Variants in ZFAT observed in about 807,000 individuals in gnomAD.
ZFAT encodes the protein zinc finger and AT-hook domain containing.
In ZFAT, 64 loss-of-function variants were observed where a neutral mutation model predicts 117.7. That is an observed-to-expected ratio of 0.54 (90% CI 0.44 to 0.67). ZFAT has a LOEUF of 0.67. Ranked by LOEUF, ZFAT falls within the 30% of genes least tolerant of loss-of-function variation. The pLI is 0.00. For synonymous variants in ZFAT, 679 were observed against 615.0 expected (o/e 1.10, Z -1.54); for missense variants, 1,433 against 1,584.5 (o/e 0.90, Z 1.62).
chr8:134,813,283 C>G, the ZFAT span, among the ~76,000 whole-genome samples: 1 of 152,182 alleles, frequency 6.6e-6, no homozygotes, highest in Non-Finnish European at 1.5e-5. Context: ...GTTCAAATTT[C>G]TAAGATTCTG....
chr8:134,689,577 T>C (rs1038024494), intron 1 of ZFAT, among the ~76,000 whole-genome samples: 3 of 152,160 alleles, frequency 2.0e-5, no homozygotes, highest in Admixed American at 6.5e-5. Context: ...CATACTACGA[T>C]AGAGAGCAGA....
the ZFAT span, among the ~76,000 whole-genome samples, chr8:134,741,803 C>T: frequency 4.6e-5 from 7 of 152,108 alleles, no homozygotes; most frequent in African/African-American, 1.4e-4. Flanking sequence ...ATTTACCTCT[C>T]ATGCTCCAGC....
the ZFAT span, among the ~76,000 whole-genome samples, chr8:134,830,074 C>T: frequency 2.0e-5 from 3 of 152,134 alleles, no homozygotes; most frequent in Non-Finnish European, 4.4e-5. Context: ...AACTGTTTAT[C>T]TCCATGAACA....
chr8:134,593,709 C>T (rs779266483), intron 7 of ZFAT, among the ~76,000 whole-genome samples: 3 of 152,182 alleles, frequency 2.0e-5, no homozygotes, highest in African/African-American at 4.8e-5. Context: ...TATGCCTTAG[C>T]GGCAAGTGCT....
chr8:134,582,123 G>T (rs1049943140), intron 10 of ZFAT, among the ~76,000 whole-genome samples: 7 of 152,228 alleles, frequency 4.6e-5, no homozygotes, highest in Non-Finnish European at 8.8e-5. Context: ...TCCTGCCGAA[G>T]AACTCAGAGA....
chr8:134,668,596 C>T (rs58255673), intron 1 of ZFAT, among the ~76,000 whole-genome samples: 1 of 152,346 alleles, frequency 6.6e-6, no homozygotes, highest in African/African-American at 2.4e-5. Flanking sequence ...ACCAAAACCC[C>T]ATCTGTACGT....
intron 12 of ZFAT, among the ~76,000 whole-genome samples, chr8:134,527,363 A>G (rs940578231): frequency 1.3e-5 from 2 of 152,268 alleles, no homozygotes; most frequent in African/African-American, 4.8e-5. Flanking sequence ...GACTTGTTAC[A>G]GTAGCTACAG....
intron 10 of ZFAT, among the ~76,000 whole-genome samples, chr8:134,583,169 C>T (rs137999525): frequency 1.4e-3 from 220 of 152,230 alleles, no homozygotes; most frequent in Middle Eastern, 6.8e-3. Context: ...TCCATCACTG[C>T]ACTTACCTTT....
intron 1 of ZFAT, among the ~76,000 whole-genome samples, chr8:134,676,755 C>A (rs1231679916): frequency 6.6e-6 from 1 of 152,178 alleles, no homozygotes; most frequent in African/African-American, 2.4e-5. Context: ...TCTCTCAGAC[C>A]ACAGTGCAAT....
chr8:134,702,065 G>A (rs962052944), intron 1 of ZFAT, among the ~76,000 whole-genome samples: 1 of 152,154 alleles, frequency 6.6e-6, no homozygotes, highest in African/African-American at 2.4e-5. Context: ...AGCAAACTCG[G>A]CCCCTTGCCA....
the ZFAT span, among the ~76,000 whole-genome samples, chr8:134,830,903 G>C: frequency 6.6e-6 from 1 of 152,210 alleles, no homozygotes; most frequent in Non-Finnish European, 1.5e-5. Context: ...TTGGTAAACA[G>C]GTAGCATACA....
Position 134,478,529 on chromosome 8 carries a change from G to A in ZFAT, c.3685C>T (p.Gln1229Ter). Residue 1229 changes from glutamine to a stop codon, truncating the protein, a stop_gained, in exon 16 of 16, where the codon CAG (glutamine) becomes TAG (stop). Transcript: ENST00000377838. LOFTEE classifies it high-confidence loss of function. The surrounding 1 kb of genome is among the most constrained non-coding windows in gnomAD (Gnocchi z 5.2). ...EFIVYVQEAM[Q>*]PVEEQAVEQP... ...TCCACAGCCTGCTCCTCCACAGGCTGCATGGCCTCCTGCACGTAGACGATG... is the reference window on the plus strand; with the variant it reads ...TCCACAGCCTGCTCCTCCACAGGCTACATGGCCTCCTGCACGTAGACGATG... 6.3e-7 allele frequency: 1 copy of A among 1,588,776 alleles called. No individual in the cohort carries two copies. The highest frequency in any genetic ancestry group is 8.6e-7 in the Non-Finnish European group (1 of 1,168,292).
intron 11 of ZFAT, among the ~76,000 whole-genome samples, chr8:134,557,183 G>A (rs1418908304): frequency 6.6e-6 from 1 of 152,050 alleles, no homozygotes; most frequent in Non-Finnish European, 1.5e-5. Context: ...GATAAGTTAA[G>A]GTCTACAGCA....
Position 134,637,709 on chromosome 8 carries a change from A to G in ZFAT, c.200T>C (p.Phe67Ser). The G allele has an allele frequency of 1.2e-6, 2 of 1,613,360 alleles. No individual in the cohort carries two copies. Among genetic ancestry groups the G allele is most frequent in the Non-Finnish European group, 1.7e-6 (2 of 1,179,628 alleles). ...GCCTCTCTTCCTCTTCATGACCAAAAACTCTACAGAGGAAACAAGAGGGCA... is the reference window on the plus strand; with the variant it reads ...GCCTCTCTTCCTCTTCATGACCAAAGACTCTACAGAGGAAACAAGAGGGCA... Reference protein sequence around the residue: ...PPNSSKTGDEFLVMKRKRGRP... With the variant: ...PPNSSKTGDESLVMKRKRGRP... Residue 67 changes from phenylalanine to serine, a missense_variant, in exon 3 of 16, where the codon TTT (phenylalanine) becomes TCT (serine). Phe to Ser is a radical substitution (Grantham distance 155). This residue lies in a region of ZFAT where 436 missense variants were observed against 482.0 expected (regional missense o/e 0.90). Coordinates refer to ENST00000377838, the MANE Select transcript of ZFAT (RefSeq NM_020863.4).
the ZFAT span, among the ~76,000 whole-genome samples, chr8:134,816,166 G>A: frequency 6.6e-6 from 1 of 152,026 alleles, no homozygotes; most frequent in African/African-American, 2.4e-5. Flanking sequence ...CACAGGAGGT[G>A]GATATTACTC....
intron 2 of ZFAT, among the ~76,000 whole-genome samples, chr8:134,638,642 T>C (rs1167710231): frequency 1.4e-5 from 2 of 147,956 alleles, no homozygotes; most frequent in Non-Finnish European, 3.0e-5. Flanking sequence ...GGCAGGAGAA[T>C]GGCGTGAACT....
intron 3 of ZFAT, among the ~76,000 whole-genome samples, chr8:134,630,048 AC>A (rs1829780912): frequency 1.3e-5 from 2 of 152,234 alleles, no homozygotes; most frequent in Admixed American, 1.3e-4. Flanking sequence ...ATATAGAGCC[AC>A]TGTCACTCAG....
At chr8:134,599,189 A>T (rs1827205755) in intron 7 of ZFAT, 1 of 152,306 alleles carries the variant, frequency 6.6e-6, no homozygotes, top group East Asian at 1.9e-4. Context: ...CAGAAAGAAA[A>T]GGAAGGACAG....
rs1830316587 is a variant in ZFAT, at chr8:134,637,796, G to C, written c.197-84C>G. On this transcript the variant is annotated intron_variant, in intron 2 of 15. Transcript: ENST00000377838. ...AATCACCCTCCAAGTGTGAGGATAT[G>C]TTCAGGTTTCACGTTTCATTAAAAA... The C allele has an allele frequency of 4.6e-6, 7 of 1,514,218 alleles. No homozygotes were observed. In the South Asian group the frequency reaches 9.0e-5, roughly 19 times the overall value. The allele number at this position is 1,514,218 out of a possible 1,614,324, so 93.8% of individuals were successfully genotyped here. A position where few individuals can be genotyped will look rare whatever the true frequency, so the allele number is the denominator to read the frequency against.
Sources: gnomAD v4.1 joint callset for allele counts (sites outside exome capture counted in the v4.1 genomes callset) on GRCh38, gnomAD v4.1.1 for gene constraint, gnomAD v4.1.1 regional missense constraint, Gnocchi (gnomAD v3.1) non-coding constraint, MANE v1.5 for transcripts, NCBI Gene and HGNC (gene_info 2026-07-23, HGNC 2026-07-21) for gene names.